NIPBL: variants seen among roughly 807,000 people sequenced by gnomAD.
NIPBL encodes the protein nipped-B-like protein.
NIPBL carries 19 observed loss-of-function variants against 321.8 expected under a neutral mutation model. That is an observed-to-expected ratio of 0.06 (90% CI 0.04 to 0.09). NIPBL has a LOEUF of 0.09. Among genes scored for constraint, NIPBL ranks in the 10% least tolerant of loss-of-function variants. NIPBL has a pLI of 1.00. For missense variants in NIPBL, 2,210 were observed against 3,327.0 expected (o/e 0.66, Z 8.26); for synonymous variants, 1,106 against 1,114.1 (o/e 0.99, Z 0.14).
At chr5:36,953,200 G>A (rs1740595837) in intron 1 of NIPBL, among the ~76,000 whole-genome samples, 1 of 152,156 alleles carries the variant, frequency 6.6e-6, no homozygotes, top group Non-Finnish European at 1.5e-5. Flanking sequence ...GCTAGATTAT[G>A]AGGTTAAATG....
At chr5:36,879,073 A>G (rs1181637353) in intron 1 of NIPBL, among the ~76,000 whole-genome samples, 1 of 152,158 alleles carries the variant, frequency 6.6e-6, no homozygotes, top group Non-Finnish European at 1.5e-5. Context: ...TTGGGGATGG[A>G]GGTGGTAAGG....
chr5:36,994,789 A>C (rs981968156), intron 10 of NIPBL, among the ~76,000 whole-genome samples: 3 of 152,050 alleles, frequency 2.0e-5, no homozygotes, highest in Admixed American at 6.6e-5. Flanking sequence ...TTTCTTCATA[A>C]GAACTATTTG....
chr5:37,020,041 T>C (rs1580492460), intron 25 of NIPBL, among the ~76,000 whole-genome samples: 1 of 152,296 alleles, frequency 6.6e-6, no homozygotes, highest in South Asian at 2.1e-4. Context: ...GACAATTGTC[T>C]TGTGTGTTTC....
At chr5:36,896,183 G>A (rs1479410802) in intron 1 of NIPBL, among the ~76,000 whole-genome samples, 1 of 152,188 alleles carries the variant, frequency 6.6e-6, no homozygotes, top group Non-Finnish European at 1.5e-5. Context: ...TTGTTGAAAA[G>A]ACTATTCTTT....
intron 43 of NIPBL, among the ~76,000 whole-genome samples, chr5:37,057,681 A>G (rs916538084): frequency 2.6e-5 from 4 of 152,238 alleles, no homozygotes; most frequent in Admixed American, 2.6e-4. Flanking sequence ...TGTAATCACA[A>G]CATTACACAT....
At chr5:37,037,413 A>C (rs919499310) in intron 33 of NIPBL, among the ~76,000 whole-genome samples, 1 of 147,508 alleles carries the variant, frequency 6.8e-6, no homozygotes, top group African/African-American at 2.5e-5. Context: ...ATATATGTAT[A>C]TATATATATA....
intron 1 of NIPBL, among the ~76,000 whole-genome samples, chr5:36,901,973 AT>A (rs1747265927): frequency 6.6e-6 from 1 of 151,806 alleles, no homozygotes; most frequent in Admixed American, 6.6e-5. Context: ...ATGGTGTCTC[AT>A]TGTGGTTTTG....
At chr5:37,030,960 A>G (rs568897875) in intron 32 of NIPBL, among the ~76,000 whole-genome samples, 199 of 119,916 alleles carry the variant, frequency 1.7e-3, no homozygotes, top group Admixed American at 3.9e-3. Context: ...GGATGTCACT[A>G]TATTACTCAA....
intron 9 of NIPBL, chr5:36,982,355 CT>C: frequency 4.7e-6 from 1 of 212,242 alleles, no homozygotes; most frequent in Non-Finnish European, 8.1e-6. Flanking sequence ...TTCAGAGCTG[CT>C]TTATAAGGAG....
chr5:37,011,886 G>A (rs72736709), intron 21 of NIPBL, among the ~76,000 whole-genome samples: 1 of 149,136 alleles, frequency 6.7e-6, no homozygotes, highest in African/African-American at 2.5e-5. Context: ...AAAAGTTTCT[G>A]TAGATACACT....
intron 1 of NIPBL, among the ~76,000 whole-genome samples, chr5:36,884,244 T>C (rs1409759831): frequency 6.6e-6 from 1 of 152,156 alleles, no homozygotes; most frequent in African/African-American, 2.4e-5. Context: ...TAGGTATTTG[T>C]TGTTAATGTG....
chr5:37,053,050 G>A (rs1162779794), intron 42 of NIPBL, among the ~76,000 whole-genome samples: 1 of 152,076 alleles, frequency 6.6e-6, no homozygotes, highest in African/African-American at 2.4e-5. Flanking sequence ...ACCCCCAGTG[G>A]ATGCATGAAA....
At chr5:36,910,492 C>T (rs1747963635) in intron 1 of NIPBL, among the ~76,000 whole-genome samples, 1 of 152,172 alleles carries the variant, frequency 6.6e-6, no homozygotes, top group Admixed American at 6.5e-5. Context: ...GTCCAACTTG[C>T]ACATCTTTTC....
chr5:37,022,531 T>C (rs985203038), intron 29 of NIPBL, 141 bp downstream of exon 29: 9 of 711,750 alleles, frequency 1.3e-5, no homozygotes, highest in Non-Finnish European at 1.8e-5. Flanking sequence ...ATTGCCACTT[T>C]CTAAACAAGT....
intron 8 of NIPBL, among the ~76,000 whole-genome samples, chr5:36,973,299 G>A (rs1208451060): frequency 2.0e-5 from 3 of 146,424 alleles, no homozygotes; most frequent in Non-Finnish European, 3.0e-5. Flanking sequence ...GATTGTGTTC[G>A]TACTATTTAT....
intron 1 of NIPBL, among the ~76,000 whole-genome samples, chr5:36,909,284 G>A (rs1013157680): frequency 1.3e-5 from 2 of 152,150 alleles, no homozygotes; most frequent in Non-Finnish European, 2.9e-5. Context: ...TCTAAAATAG[G>A]TTAATTTCAT....
chr5:36,887,308 C>G (rs1745986996), intron 1 of NIPBL, among the ~76,000 whole-genome samples: 1 of 152,060 alleles, frequency 6.6e-6, no homozygotes, highest in Non-Finnish European at 1.5e-5. Flanking sequence ...AAGGATGGTG[C>G]AGTAACACCA....
intron 17 of NIPBL, 53 bp from the exon 18 acceptor site, chr5:37,007,270 T>G: frequency 6.6e-7 from 1 of 1,505,378 alleles, no homozygotes; most frequent in Non-Finnish European, 9.2e-7. Flanking sequence ...TACTGTTTAT[T>G]AAAAATTATT....
intron 34 of NIPBL, among the ~76,000 whole-genome samples, chr5:37,043,962 A>C (rs144514162): frequency 1.3e-5 from 2 of 152,348 alleles, no homozygotes; most frequent in African/African-American, 4.8e-5. Flanking sequence ...CGGGGGAAGA[A>C]GCTTATTCCT....
Sources: gnomAD v4.1 joint callset for allele counts (sites outside exome capture counted in the v4.1 genomes callset) on GRCh38, gnomAD v4.1.1 for gene constraint, MANE v1.5 for transcripts, NCBI Gene and HGNC (gene_info 2026-07-23, HGNC 2026-07-21) for gene names.